The following GABBR2 variants were observed in gnomAD, a reference collection of about 807,000 sequenced individuals.
The protein encoded by GABBR2 is gamma-aminobutyric acid type B receptor subunit 2, also known as G-protein coupled receptor 51.
GABBR2 carries 23 observed loss-of-function variants against 105.6 expected under a neutral mutation model. That is an observed-to-expected ratio of 0.22 (90% CI 0.16 to 0.31). The LOEUF (loss-of-function observed/expected upper bound fraction) is 0.31, where lower values mean the gene tolerates loss of function less well. Among genes scored for constraint, GABBR2 ranks in the 10% least tolerant of loss-of-function variants. The probability of loss-of-function intolerance (pLI) is 1.00; values close to 1 mark genes in which losing one functional copy is unlikely to be tolerated. For synonymous variants in GABBR2, 478 were observed against 499.7 expected, an observed-to-expected ratio of 0.96 and a Z score of 0.58; for missense variants, 734 against 1,245.5, an observed-to-expected ratio of 0.59 and a Z score of 6.18.
rs1219346197 is a variant in GABBR2 at position 98,289,520 on chromosome 9, G to A, written c.*1064C>T. 1.3e-5 allele frequency: 2 copies of A among 152,480 alleles called. No individual in the cohort carries two copies. The highest frequency in any genetic ancestry group is 6.5e-5 in the Admixed American group (1 of 15,270). The allele number at this position is 152,480 out of a possible 1,614,324, so 9.4% of individuals were successfully genotyped here. ...GCTCACTGGCTTGTCTGGATGGAAG[G>A]CTGCCTTCTGGAAGCCAAGGGAAGC... On this transcript the variant is annotated 3_prime_UTR_variant, in exon 19 of 19. Transcript: ENST00000259455.
intron 1 of GABBR2, among the ~76,000 whole-genome samples, chr9:98,691,258 T>C (rs1440471654): frequency 6.6e-6 from 1 of 152,166 alleles, no homozygotes; most frequent in Non-Finnish European, 1.5e-5. Flanking sequence ...TGTTTGAGAA[T>C]ACATACTCTC....
intron 1 of GABBR2, among the ~76,000 whole-genome samples, chr9:98,659,285 G>A (rs1830222040): frequency 1.3e-5 from 2 of 152,084 alleles, no homozygotes; most frequent in South Asian, 2.1e-4. Context: ...TTTTCCAGCT[G>A]AGCTATTTAT....
chr9:98,484,699 G>A (rs1183415037), intron 4 of GABBR2, among the ~76,000 whole-genome samples: 1 of 152,196 alleles, frequency 6.6e-6, no homozygotes, highest in Non-Finnish European at 1.5e-5. Context: ...CAGATATACT[G>A]CGTTCTCCTT....
chr9:98,700,365 C>G (rs1359402969), intron 1 of GABBR2, among the ~76,000 whole-genome samples: 2 of 152,176 alleles, frequency 1.3e-5, no homozygotes, highest in East Asian at 3.8e-4. Flanking sequence ...CTGCCACAGC[C>G]TTCAAGCTAA....
chr9:98,632,991 G>A (rs1462412372), intron 1 of GABBR2, among the ~76,000 whole-genome samples: 2 of 152,154 alleles, frequency 1.3e-5, no homozygotes, highest in African/African-American at 4.8e-5. Context: ...AATAGCTAGT[G>A]GTGTGCTGGT....
intron 3 of GABBR2, among the ~76,000 whole-genome samples, chr9:98,505,151 G>T (rs979395055): frequency 1.4e-4 from 21 of 152,204 alleles, no homozygotes; most frequent in Non-Finnish European, 4.4e-5. Flanking sequence ...CAAAGAATTG[G>T]GGCATATGCT....
chr9:98,306,455 GA>G lies in GABBR2; in HGVS notation c.2005-111del. 1 of 588,858 alleles carries G rather than the reference GA, an allele frequency of 1.7e-6. No homozygotes were observed. The highest frequency in any genetic ancestry group is 3.2e-6 in the Non-Finnish European group (1 of 313,574). 36.5% of individuals were successfully genotyped at this position (588,858 alleles called of 1,614,324 possible). A position where few individuals can be genotyped will look rare whatever the true frequency, so the allele number is the denominator to read the frequency against. ...GGTTACTCAGGAGGTGGGCTGCAGG[GA>G]GGGAGGGTCGGGGGCCTTGCTGTCA... On this transcript the variant is annotated intron_variant, in intron 14 of 18. Transcript: ENST00000259455. This position sits in a 1 kb window ranked among gnomAD's most constrained non-coding sequence, Gnocchi z 5.4.
At chr9:98,347,906 A>C (rs989302441) in intron 13 of GABBR2, among the ~76,000 whole-genome samples, 2 of 152,276 alleles carry the variant, frequency 1.3e-5, no homozygotes, top group African/African-American at 2.4e-5. Context: ...GATAGTAAGT[A>C]AGTCTCACGA....
chr9:98,401,606 T>C lies in GABBR2; in HGVS notation c.1297+4475A>G, dbSNP rs966431133. 1.1e-4 allele frequency among the ~76,000 whole-genome samples: 16 copies of C among 152,116 alleles called. 1 individual carries two copies. Among genetic ancestry groups the C allele is most frequent in the Non-Finnish European group, 1.8e-4 (12 of 68,024 alleles). ...GAAGGATTATGGACTATGACTCCAC[T>C]CTTTAATTATATCAAGTTGAGTGAC... On this transcript the variant is annotated intron_variant, in intron 8 of 18. Coordinates refer to ENST00000259455, the MANE Select transcript of GABBR2 (RefSeq NM_005458.8).
At chr9:98,448,637 CA>C (rs1425543465) in intron 7 of GABBR2, among the ~76,000 whole-genome samples, 11 of 152,072 alleles carry the variant, frequency 7.2e-5, no homozygotes, top group Non-Finnish European at 1.2e-4. Context: ...AGGCTGGTCA[CA>C]AACTCCTAGG....
intron 1 of GABBR2, among the ~76,000 whole-genome samples, chr9:98,642,883 T>G (rs1829984160): frequency 6.6e-6 from 1 of 152,200 alleles, no homozygotes; most frequent in Non-Finnish European, 1.5e-5. Context: ...CTCTGTGCAC[T>G]GTTTCATCAC....
chr9:98,613,718 G>C lies in GABBR2; in HGVS notation c.322-35646C>G, dbSNP rs150874015. 1.7e-3 allele frequency among the ~76,000 whole-genome samples: 257 copies of C among 152,340 alleles called. 2 individuals carry two copies. The highest frequency in any genetic ancestry group is 5.9e-3 in the African/African-American group (244 of 41,570). ...AACTCTGCTAAAGCAGTATTCAAAAGTGAGAGGAAAACAGAGACATTTTAA... is the reference window on the plus strand; with the variant it reads ...AACTCTGCTAAAGCAGTATTCAAAACTGAGAGGAAAACAGAGACATTTTAA... On this transcript the variant is annotated intron_variant, in intron 1 of 18. Transcript: ENST00000259455.
In GABBR2 at chr9:98,346,038, G is replaced by C. The variant is rs776765996; in HGVS notation, c.1893+16677C>G. Among the ~76,000 whole-genome samples, 27 of 152,222 alleles carry C rather than the reference G, an allele frequency of 1.8e-4. 1 individual carries two copies. The highest frequency in any genetic ancestry group is 2.4e-5 in the African/African-American group (1 of 41,458). Reference sequence around the variant, plus strand: ...ATGATCATCTGAGCCTTCAGTGAGTGGTAATCTTTTCGTTAGCGGAGGGTT... The same window carrying C: ...ATGATCATCTGAGCCTTCAGTGAGTCGTAATCTTTTCGTTAGCGGAGGGTT... On this transcript the variant is annotated intron_variant, in intron 13 of 18. Transcript: ENST00000259455.
chr9:98,390,288 C>T (rs565189181), intron 9 of GABBR2, among the ~76,000 whole-genome samples: 24 of 146,444 alleles, frequency 1.6e-4, no homozygotes, highest in Non-Finnish European at 2.2e-4. Context: ...GCAGGAAAAT[C>T]GCTTGAACCC....
intron 11 of GABBR2, among the ~76,000 whole-genome samples, chr9:98,383,455 C>G (rs1004589976): frequency 9.2e-5 from 14 of 152,150 alleles, no homozygotes; most frequent in African/African-American, 3.4e-4. Flanking sequence ...TGGGAATGAG[C>G]CAGTGCCAGG....
chr9:98,318,720 G>A (rs1280956308), intron 13 of GABBR2, among the ~76,000 whole-genome samples: 1 of 152,208 alleles, frequency 6.6e-6, no homozygotes, highest in African/African-American at 2.4e-5. Context: ...GAGGGAGGGG[G>A]TGCTTTCCAC....
intron 13 of GABBR2, among the ~76,000 whole-genome samples, chr9:98,358,970 C>T: frequency 6.6e-6 from 1 of 152,314 alleles, no homozygotes; most frequent in South Asian, 2.1e-4. Flanking sequence ...GTGACCTGGG[C>T]CAGTCACTGA....
At chr9:98,335,228 C>T (rs760510675) in intron 13 of GABBR2, among the ~76,000 whole-genome samples, 4 of 152,154 alleles carry the variant, frequency 2.6e-5, no homozygotes, top group African/African-American at 7.2e-5. Flanking sequence ...AGAGGGCCTG[C>T]GTAGCTCTTT....
At chr9:98,637,776 G>A (rs1166496221) in intron 1 of GABBR2, among the ~76,000 whole-genome samples, 1 of 152,196 alleles carries the variant, frequency 6.6e-6, no homozygotes, top group East Asian at 1.9e-4. Context: ...CTGACACCCG[G>A]ATGTTAGCCC....
Sources: allele counts gnomAD v4.1 joint callset (sites outside exome capture counted in the v4.1 genomes callset), GRCh38; gene constraint gnomAD v4.1.1; non-coding constraint Gnocchi (gnomAD v3.1); transcripts MANE v1.5; gene names NCBI Gene and HGNC (gene_info 2026-07-23, HGNC 2026-07-21).